ERC1: variants seen among roughly 807,000 people sequenced by gnomAD.
The protein encoded by ERC1 is RAB6 interacting protein 2.
In ERC1, 56 loss-of-function variants were observed where a neutral mutation model predicts 132.0. That is an observed-to-expected ratio of 0.42 (90% CI 0.34 to 0.53). ERC1 has a LOEUF of 0.53. Among genes scored for constraint, ERC1 ranks in the 20% least tolerant of loss-of-function variants. The pLI is 0.03. For synonymous variants in ERC1, 478 were observed against 476.1 expected (o/e 1.00, Z -0.05); for missense variants, 1,202 against 1,349.9 (o/e 0.89, Z 1.72).
At chr12:1,327,658 T>C (rs1419625728) in intron 15 of ERC1, among the ~76,000 whole-genome samples, 3 of 152,190 alleles carry the variant, frequency 2.0e-5, no homozygotes, top group Non-Finnish European at 2.9e-5. Context: ...AGTAATGTTA[T>C]CTGTTCAGTG....
At chr12:1,244,495 ATGGTTTGTTTGT>A (rs1234591876) in intron 13 of ERC1, 2 of 411,682 alleles carry the variant, frequency 4.9e-6, no homozygotes, top group African/African-American at 2.8e-5. Flanking sequence ...TTTGTACTTA[ATGGTTTGTTTGT>A]TTGTTTGTTT....
intron 18 of ERC1, among the ~76,000 whole-genome samples, chr12:1,474,280 T>C (rs1281103959): frequency 6.6e-6 from 1 of 152,240 alleles, no homozygotes; most frequent in Non-Finnish European, 1.5e-5. Context: ...TAGGCATTTC[T>C]GAATAATTTC....
At chr12:1,286,937 GATA>G (rs1228672101) in intron 14 of ERC1, among the ~76,000 whole-genome samples, 1 of 152,152 alleles carries the variant, frequency 6.6e-6, no homozygotes, top group Admixed American at 6.5e-5. Flanking sequence ...CCTGGCATAT[GATA>G]AAATCTAAAT....
In ERC1 at chr12:1,349,661, A is replaced by T. The variant is rs756430751; in HGVS notation, c.2781-22172A>T. ...CCTGGACGACAGAGTGAGACCGTCT[A>T]AAAAAAAAAAAAAAAAAAAGTTATT... On this transcript the variant is annotated intron_variant, in intron 15 of 18. Transcript: ENST00000360905. Among the ~76,000 whole-genome samples, 452 of 86,380 alleles carry T rather than the reference A, an allele frequency of 5.2e-3. 2 individuals carry two copies. The highest frequency in any genetic ancestry group is 6.6e-3 in the Non-Finnish European group (316 of 47,662). The allele number at this position is 86,380 out of a possible 152,430, so 56.7% of individuals were successfully genotyped here.
At chr12:1,015,061 G>C (rs1965300409) in intron 1 of ERC1, among the ~76,000 whole-genome samples, 2 of 148,358 alleles carry the variant, frequency 1.3e-5, no homozygotes, top group Non-Finnish European at 1.5e-5. Context: ...ACTGTGCCCT[G>C]CCTCTTTTTC....
At chr12:1,424,035 C>T (rs1210520296) in intron 17 of ERC1, among the ~76,000 whole-genome samples, 9 of 150,276 alleles carry the variant, frequency 6.0e-5, no homozygotes, top group Non-Finnish European at 8.9e-5. Flanking sequence ...TGTGTATGTA[C>T]GTGTGTGTGT....
At position 1,050,126 on chromosome 12, in the gene ERC1, G is replaced by A. The variant is rs2154167622; in HGVS notation, c.669+21554G>A. Among the ~76,000 whole-genome samples the A allele has an allele frequency of 2.6e-5, 4 of 152,274 alleles. 1 individual carries two copies. In the South Asian group the frequency reaches 8.3e-4, roughly 32 times the overall value. On this transcript the variant is annotated intron_variant, in intron 2 of 18. Coordinates refer to ENST00000360905, the MANE Select transcript of ERC1 (RefSeq NM_178040.4). ...ACAAGAGGTTGTTCCACAACCTCCT[G>A]GGGTGGGGATACCCGTTCTGTGATG... is the stretch of plus-strand genomic sequence containing the variant.
chr12:1,428,689 G>A (rs1591994588), intron 17 of ERC1, among the ~76,000 whole-genome samples: 1 of 152,144 alleles, frequency 6.6e-6, no homozygotes, highest in Non-Finnish European at 1.5e-5. Context: ...GACCCTTTAC[G>A]ATAGGACCCC....
chr12:1,394,211 T>C (rs185784150), intron 16 of ERC1, among the ~76,000 whole-genome samples: 5,083 of 150,456 alleles, frequency 0.034, 109 homozygotes, highest in Middle Eastern at 0.13. Context: ...CCATCCTGGC[T>C]AACACGGTGA....
intron 18 of ERC1, among the ~76,000 whole-genome samples, chr12:1,467,822 C>A (rs1392058056): frequency 6.6e-6 from 1 of 152,216 alleles, no homozygotes; most frequent in Non-Finnish European, 1.5e-5. Context: ...GCATTAGATT[C>A]TCATAAGGAG....
rs373177292 is a variant in ERC1, at chr12:1,047,177, G to C, written c.669+18605G>C. Among the ~76,000 whole-genome samples, 6 of 152,002 alleles carry C rather than the reference G, an allele frequency of 3.9e-5. No individual in the cohort carries two copies. In the South Asian group the frequency reaches 8.3e-4, roughly 21 times the overall value. ...TTTCTGAACTATTGAGTTCATTTTT[G>C]GTATAATTAGAATAATAAATTACAC... On this transcript the variant is annotated intron_variant, in intron 2 of 18. Transcript: ENST00000360905.
At chr12:1,184,650 T>C (rs1954868290) in intron 11 of ERC1, among the ~76,000 whole-genome samples, 1 of 152,244 alleles carries the variant, frequency 6.6e-6, no homozygotes, top group African/African-American at 2.4e-5. Flanking sequence ...ATATCCTGTA[T>C]CTGAATATTG....
At chr12:1,381,516 CTAGTT>C (rs55884556) in intron 16 of ERC1, among the ~76,000 whole-genome samples, 4,343 of 152,160 alleles carry the variant, frequency 0.029, 165 homozygotes, top group Admixed American at 0.1. Flanking sequence ...CCTCTATTGA[CTAGTT>C]AAGATAAAAA....
At chr12:1,388,974 A>G (rs2089693182) in intron 16 of ERC1, among the ~76,000 whole-genome samples, 2 of 152,174 alleles carry the variant, frequency 1.3e-5, no homozygotes, top group African/African-American at 2.4e-5. Context: ...CAATTCTACT[A>G]AAAATTTCCT....
At chr12:1,049,557 A>G (rs954760317) in intron 2 of ERC1, among the ~76,000 whole-genome samples, 2 of 152,172 alleles carry the variant, frequency 1.3e-5, no homozygotes, top group South Asian at 2.1e-4. Flanking sequence ...ACCACTGGCT[A>G]CTACAAATGG....
chr12:1,236,974 T>C, intron 13 of ERC1, 70 bp downstream of exon 13: 1 of 1,561,942 alleles, frequency 6.4e-7, no homozygotes, highest in Non-Finnish European at 8.8e-7. Flanking sequence ...GTTGTTTTTC[T>C]CTTCATCTTT....
At chr12:1,298,875 C>T (rs1462554702) in intron 15 of ERC1, among the ~76,000 whole-genome samples, 1 of 151,582 alleles carries the variant, frequency 6.6e-6, no homozygotes, top group Non-Finnish European at 1.5e-5. Flanking sequence ...AATAGTAATC[C>T]TAAGAAACCT....
At chr12:1,264,401 G>A (rs772433242) in intron 14 of ERC1, among the ~76,000 whole-genome samples, 23 of 152,118 alleles carry the variant, frequency 1.5e-4, no homozygotes, top group African/African-American at 2.4e-4. Flanking sequence ...GGTGGTTCAC[G>A]CCTGTAATCC....
intron 15 of ERC1, among the ~76,000 whole-genome samples, chr12:1,356,594 T>G (rs1456876089): frequency 6.6e-6 from 1 of 152,166 alleles, no homozygotes; most frequent in Admixed American, 6.5e-5. Flanking sequence ...ACAAAAACAC[T>G]TTCATTTTAA....
Sources: allele counts gnomAD v4.1 joint callset (sites outside exome capture counted in the v4.1 genomes callset), GRCh38; gene constraint gnomAD v4.1.1; transcripts MANE v1.5; gene names NCBI Gene and HGNC (gene_info 2026-07-23, HGNC 2026-07-21).